Variants in IMPG1 observed in about 807,000 individuals in gnomAD.
IMPG1 encodes interphotoreceptor matrix proteoglycan of 150 kDa.
A neutral mutation model predicts 92.0 loss-of-function variants in IMPG1; 85 were observed. The ratio of observed to expected loss-of-function variants is 0.92; its 90% CI spans 0.78 to 1.11. IMPG1 has a LOEUF of 1.11. Among genes scored for constraint, IMPG1 ranks in the 50% least tolerant of loss-of-function variants. The pLI is 0.00. For synonymous variants in IMPG1, 367 were observed against 334.1 expected (o/e 1.10, Z -1.08); for missense variants, 1,022 against 956.0 (o/e 1.07, Z -0.91).
chr6:75,978,335 T>C (rs1195492649), intron 12 of IMPG1, among the ~76,000 whole-genome samples: 1 of 152,200 alleles, frequency 6.6e-6, no homozygotes, highest in Admixed American at 6.5e-5. Context: ...TGCATTTTTG[T>C]GTTTTCTCTA....
chr6:75,987,291 GAC>G (rs1238519235), intron 12 of IMPG1, among the ~76,000 whole-genome samples: 7 of 147,576 alleles, frequency 4.7e-5, no homozygotes, highest in South Asian at 2.2e-4. Context: ...ACTTCAGTCT[GAC>G]ACACAGTCTT....
intron 16 of IMPG1, among the ~76,000 whole-genome samples, chr6:75,922,464 T>C (rs996912653): frequency 6.6e-6 from 1 of 152,318 alleles, no homozygotes; most frequent in East Asian, 1.9e-4. Context: ...ACACCATTAG[T>C]GTATTATAGC....
rs536830646 is a variant in IMPG1 at position 76,032,295 on chromosome 6, G to A, written c.497+2020C>T. Among the ~76,000 whole-genome samples the A allele has an allele frequency of 2.3e-4, 15 of 66,626 alleles. 1 individual carries two copies. The highest frequency in any genetic ancestry group is 1.5e-3 in the South Asian group (2 of 1,332). 43.7% of individuals were successfully genotyped at this position (66,626 alleles called of 152,430 possible). On this transcript the variant is annotated intron_variant, in intron 4 of 16. Transcript: ENST00000369950. ...TTTTTTTCTTATGGATGGACCCTGC[G>A]TTGCTTTCTTTGTATTTTTTTGAAA... is the stretch of plus-strand genomic sequence containing the variant.
intron 12 of IMPG1, among the ~76,000 whole-genome samples, chr6:75,997,349 C>T (rs1033586558): frequency 1.6e-4 from 24 of 152,194 alleles, no homozygotes; most frequent in Non-Finnish European, 2.8e-4. Context: ...AAAACTCTTT[C>T]AAGTCTTACT....
intron 12 of IMPG1, among the ~76,000 whole-genome samples, chr6:75,989,346 T>G (rs1782776555): frequency 6.6e-6 from 1 of 152,218 alleles, no homozygotes; most frequent in Non-Finnish European, 1.5e-5. Context: ...GGGAGGCACA[T>G]AATTTGCTTC....
At chr6:76,070,836 G>T (rs1281084012) in intron 1 of IMPG1, among the ~76,000 whole-genome samples, 1 of 151,996 alleles carries the variant, frequency 6.6e-6, no homozygotes, top group Non-Finnish European at 1.5e-5. Context: ...AGTGGAAGGG[G>T]AATGAGGGAT....
At chr6:75,974,392 TTTTCTTTCTTTCCTTCC>T (rs1782490642) in intron 12 of IMPG1, among the ~76,000 whole-genome samples, 1 of 59,524 alleles carries the variant, frequency 1.7e-5, no homozygotes, top group African/African-American at 6.4e-5. Flanking sequence ...TCTTTCTTTC[TTTTCTTTCTTTCCTTCC>T]TTCCTTCCTT....
At chr6:76,047,573 A>G (rs1181599325) in intron 1 of IMPG1, among the ~76,000 whole-genome samples, 1 of 152,166 alleles carries the variant, frequency 6.6e-6, no homozygotes, top group African/African-American at 2.4e-5. Context: ...TTTAGACTGC[A>G]AATACCTTTG....
chr6:75,987,769 C>T (rs772130878), intron 12 of IMPG1, among the ~76,000 whole-genome samples: 37 of 152,016 alleles, frequency 2.4e-4, no homozygotes, highest in African/African-American at 8.0e-4. Context: ...CTCAGCCTCC[C>T]GAGTAGCCGG....
chr6:76,042,823 C>T (rs1469383121), intron 1 of IMPG1, among the ~76,000 whole-genome samples: 2 of 152,158 alleles, frequency 1.3e-5, no homozygotes, highest in African/African-American at 2.4e-5. Context: ...TGGCTGGTAT[C>T]TATTAGGGTT....
At chr6:76,024,894 G>A (rs1210533062) in intron 5 of IMPG1, 2 of 449,906 alleles carry the variant, frequency 4.4e-6, no homozygotes, top group Admixed American at 2.9e-5. Context: ...AAGTAAATAT[G>A]GTCTCAGTAA....
chr6:75,939,513 C>T (rs1781804207), intron 14 of IMPG1, among the ~76,000 whole-genome samples: 1 of 152,182 alleles, frequency 6.6e-6, no homozygotes, highest in African/African-American at 2.4e-5. Context: ...ATCCATGTCC[C>T]TACAAAGGAC....
chr6:75,930,971 C>T lies in IMPG1; in HGVS notation c.2225G>A (p.Gly742Glu), dbSNP rs763230215. Residue 742 changes from glycine to glutamate, a missense_variant, in exon 15 of 17, where the codon GGA becomes GAA. By Grantham distance (98) the Gly-to-Glu change is moderately conservative. Transcript: ENST00000369950. Reference protein sequence around the residue: ...PGTKECEVLQGKGAPCRLPDH... With the variant: ...PGTKECEVLQEKGAPCRLPDH... ...GACCCACCTGCATGGAGCTCCCTTT[C>T]CCTGGAGGACCTCGCATTCCTTTGT... 2 of 1,614,246 alleles carry T rather than the reference C, an allele frequency of 1.2e-6. No individual in the cohort carries two copies. Among genetic ancestry groups the T allele is most frequent in the Non-Finnish European group, 1.7e-6 (2 of 1,180,036 alleles).
chr6:75,957,280 GTTATGA>G (rs1398490143), intron 12 of IMPG1, among the ~76,000 whole-genome samples: 3 of 152,186 alleles, frequency 2.0e-5, no homozygotes, highest in Non-Finnish European at 4.4e-5. Context: ...GAGGCTGTTT[GTTATGA>G]TTTCTGTTCT....
At chr6:75,944,736 A>G (rs1281735556) in intron 14 of IMPG1, among the ~76,000 whole-genome samples, 1 of 152,256 alleles carries the variant, frequency 6.6e-6, no homozygotes, top group African/African-American at 2.4e-5. Flanking sequence ...TCTCCCTTGT[A>G]GTTACCATGT....
chr6:75,932,396 A>G (rs1163390112), intron 14 of IMPG1, among the ~76,000 whole-genome samples: 1 of 152,214 alleles, frequency 6.6e-6, no homozygotes, highest in Non-Finnish European at 1.5e-5. Flanking sequence ...TTATTACCTT[A>G]AAAATATTTT....
intron 12 of IMPG1, among the ~76,000 whole-genome samples, chr6:75,982,509 G>C (rs928116820): frequency 1.3e-5 from 2 of 150,252 alleles, no homozygotes; most frequent in African/African-American, 5.0e-5. Context: ...CTGGGTGACA[G>C]AGCGAGACTC....
chr6:76,056,803 A>C (rs1447386504), intron 1 of IMPG1, among the ~76,000 whole-genome samples: 2 of 152,094 alleles, frequency 1.3e-5, no homozygotes, highest in Non-Finnish European at 2.9e-5. Context: ...GCTGTTGGCC[A>C]TTTTTATGTC....
At chr6:76,025,489 C>T (rs138357697) in intron 4 of IMPG1, among the ~76,000 whole-genome samples, 61 of 152,156 alleles carry the variant, frequency 4.0e-4, no homozygotes, top group Admixed American at 1.4e-3. Flanking sequence ...CAGTGTTTTC[C>T]GTAAGCATCC....
Sources: gnomAD v4.1 joint callset for allele counts (sites outside exome capture counted in the v4.1 genomes callset) on GRCh38, gnomAD v4.1.1 for gene constraint, MANE v1.5 for transcripts, NCBI Gene and HGNC (gene_info 2026-07-23, HGNC 2026-07-21) for gene names.